Variants in PTPRD observed in about 807,000 individuals in gnomAD.
PTPRD encodes receptor-type tyrosine-protein phosphatase delta.
Under a neutral mutation model 214.5 loss-of-function variants are expected in PTPRD, and 34 were observed. The ratio of observed to expected loss-of-function variants is 0.16; its 90% CI spans 0.12 to 0.21. PTPRD has a LOEUF of 0.21. PTPRD is among the 10% of genes least tolerant of loss of function. The pLI, the probability that PTPRD is intolerant of heterozygous loss-of-function variation, is 1.00. For missense variants in PTPRD, 2,545 were observed against 2,398.7 expected, an observed-to-expected ratio of 1.06 and a Z score of -1.27; for synonymous variants, 1,128 against 845.7, an observed-to-expected ratio of 1.33 and a Z score of -5.79.
chr9:9,855,580 A>C (rs929624461), intron 5 of PTPRD, among the ~76,000 whole-genome samples: 6 of 152,122 alleles, frequency 3.9e-5, no homozygotes, highest in African/African-American at 1.4e-4. Flanking sequence ...TGCCGCTCTC[A>C]ACAATTTGAC....
rs116489833 is a variant in PTPRD at position 8,912,213 on chromosome 9, A to T, written c.-104+106484T>A. ...TGTAAAAATATGTATGCAAATGTTC[A>T]TAGTAGCATTATTCTTTATAGACCC... On this transcript the variant is annotated intron_variant, in intron 11 of 45. Transcript: ENST00000381196. 1.5e-3 allele frequency among the ~76,000 whole-genome samples: 236 copies of T among 152,352 alleles called. 1 individual carries two copies. The highest frequency in any genetic ancestry group is 5.4e-3 in the African/African-American group (223 of 41,584).
In PTPRD at chr9:10,470,067, G is replaced by A. The variant is rs144110449; in HGVS notation, c.-599-129050C>T. On this transcript the variant is annotated intron_variant, in intron 2 of 45. Transcript: ENST00000381196. ...AGGTAGTGTTTGGTACCAAAATAGG[G>A]GGCTTATATTTAACAATGATTTATT... Among the ~76,000 whole-genome samples, 839 of 152,010 alleles carry A rather than the reference G, an allele frequency of 5.5e-3. 3 individuals are homozygous for A. The highest frequency in any genetic ancestry group is 6.3e-3 in the Non-Finnish European group (425 of 67,942).
intron 5 of PTPRD, among the ~76,000 whole-genome samples, chr9:9,893,651 T>C (rs1347816890): frequency 6.6e-6 from 1 of 152,128 alleles, no homozygotes; most frequent in Non-Finnish European, 1.5e-5. Context: ...TAAAAGTTAT[T>C]GGAAAGGACC....
intron 8 of PTPRD, among the ~76,000 whole-genome samples, chr9:9,487,969 C>T (rs2095724865): frequency 6.6e-6 from 1 of 152,018 alleles, no homozygotes; most frequent in Non-Finnish European, 1.5e-5. Flanking sequence ...TAAATAAATT[C>T]TGAGTATTTT....
chr9:9,869,781 TA>T (rs557355772), intron 5 of PTPRD, among the ~76,000 whole-genome samples: 57 of 151,272 alleles, frequency 3.8e-4, no homozygotes, highest in East Asian at 1.6e-3. Context: ...TAAACTGCAT[TA>T]AAAAAAATAC....
intron 11 of PTPRD, among the ~76,000 whole-genome samples, chr9:8,864,043 G>A (rs2098152767): frequency 6.6e-6 from 1 of 152,120 alleles, no homozygotes; most frequent in Non-Finnish European, 1.5e-5. Context: ...ACCAAAAACT[G>A]ATGAAACAGG....
intron 2 of PTPRD, among the ~76,000 whole-genome samples, chr9:10,494,049 G>C (rs2041239324): frequency 6.6e-6 from 1 of 151,754 alleles, no homozygotes; most frequent in South Asian, 2.1e-4. Flanking sequence ...TAACACGCTG[G>C]GATTTGTGAG....
intron 14 of PTPRD, among the ~76,000 whole-genome samples, chr9:8,600,503 C>CT (rs1056577213): frequency 2.0e-5 from 3 of 151,760 alleles, no homozygotes; most frequent in Non-Finnish European, 4.4e-5. Context: ...AAAAGACACC[C>CT]TTTCCTTCTG....
intron 2 of PTPRD, among the ~76,000 whole-genome samples, chr9:10,560,245 C>G (rs1271925560): frequency 1.3e-5 from 2 of 152,146 alleles, no homozygotes; most frequent in Admixed American, 1.3e-4. Flanking sequence ...ATGATGAGTT[C>G]ATGTCCTTTG....
chr9:8,417,956 T>C (rs10815861), intron 35 of PTPRD, among the ~76,000 whole-genome samples: 18,730 of 152,168 alleles, frequency 0.12, 1,126 homozygotes, highest in East Asian at 0.14. Flanking sequence ...GAATGCCTAT[T>C]GCACTCTGTG....
intron 4 of PTPRD, among the ~76,000 whole-genome samples, chr9:10,019,781 G>GT (rs1472098780): frequency 3.4e-5 from 5 of 145,440 alleles, no homozygotes; most frequent in Admixed American, 1.4e-4. Flanking sequence ...CTGTTGTGGG[G>GT]TGGGGGGGAG....
At chr9:9,942,761 A>AT (rs1424428290) in intron 4 of PTPRD, among the ~76,000 whole-genome samples, 1 of 152,042 alleles carries the variant, frequency 6.6e-6, no homozygotes, top group Admixed American at 6.6e-5. Context: ...ATTTGTGTGT[A>AT]TTTTTCTGTG....
intron 8 of PTPRD, among the ~76,000 whole-genome samples, chr9:9,478,555 G>A (rs932069461): frequency 6.6e-6 from 1 of 152,152 alleles, no homozygotes; most frequent in African/African-American, 2.4e-5. Context: ...CACGCAGTAA[G>A]TAAACAGATC....
chr9:8,339,584 A>G (rs1358346495), intron 42 of PTPRD, among the ~76,000 whole-genome samples: 2 of 152,022 alleles, frequency 1.3e-5, no homozygotes, highest in Non-Finnish European at 2.9e-5. Flanking sequence ...TGGCCAAATC[A>G]GAGTAAGTCA....
intron 5 of PTPRD, among the ~76,000 whole-genome samples, chr9:9,854,228 C>G (rs1565784902): frequency 6.6e-6 from 1 of 152,110 alleles, no homozygotes; most frequent in South Asian, 2.1e-4. Flanking sequence ...TACTATGCAG[C>G]TTTGAGATGA....
intron 3 of PTPRD, among the ~76,000 whole-genome samples, chr9:10,242,394 G>A (rs578062069): frequency 4.7e-4 from 72 of 151,998 alleles, no homozygotes; most frequent in African/African-American, 1.4e-3. Context: ...ATAGGGCAGC[G>A]CCAAAACTCA....
At position 9,919,548 on chromosome 9, in the gene PTPRD, A is replaced by G. The variant is rs567901116; in HGVS notation, c.-368+18959T>C. On this transcript the variant is annotated intron_variant, in intron 5 of 45. Coordinates refer to ENST00000381196, the MANE Select transcript of PTPRD (RefSeq NM_002839.4). ...GTACACTTAAGAGCTTGCATTGTCT[A>G]AAGGCCCAATGATTCATGTAACTCC... Among the ~76,000 whole-genome samples, 193 of 152,272 alleles carry G rather than the reference A, an allele frequency of 1.3e-3. 1 individual carries two copies. Among genetic ancestry groups the G allele is most frequent in the African/African-American group, 4.5e-3 (185 of 41,554 alleles).
At chr9:9,250,477 T>G in intron 9 of PTPRD, among the ~76,000 whole-genome samples, 1 of 152,226 alleles carries the variant, frequency 6.6e-6, no homozygotes, top group Middle Eastern at 3.4e-3. Context: ...CTGCCATTAA[T>G]CATGTTTCTT....
chr9:9,248,080 T>C (rs1413878491), intron 9 of PTPRD, among the ~76,000 whole-genome samples: 2 of 151,868 alleles, frequency 1.3e-5, no homozygotes, highest in Non-Finnish European at 2.9e-5. Context: ...AATGAGCTCC[T>C]AAGTTATCTA....
Sources: gnomAD v4.1 joint callset for allele counts (sites outside exome capture counted in the v4.1 genomes callset) on GRCh38, gnomAD v4.1.1 for gene constraint, MANE v1.5 for transcripts, NCBI Gene and HGNC (gene_info 2026-07-23, HGNC 2026-07-21) for gene names.